Variants in PTP4A3 observed in about 807,000 individuals in gnomAD.
The protein encoded by PTP4A3 is protein tyrosine phosphatase 4A3.
PTP4A3 carries 9 observed loss-of-function variants against 15.2 expected under a neutral mutation model. That is an observed-to-expected ratio of 0.59 (90% CI 0.36 to 1.03). PTP4A3 has a LOEUF of 1.03. Ranked by LOEUF, PTP4A3 falls within the 50% of genes least tolerant of loss-of-function variation. PTP4A3 has a pLI of 0.02. For synonymous variants in PTP4A3, 95 were observed against 102.0 expected (o/e 0.93, Z 0.41); for missense variants, 234 against 252.1 (o/e 0.93, Z 0.49).
At chr8:141,394,981 G>GTA (rs1008898336) in intron 1 of PTP4A3, among the ~76,000 whole-genome samples, 6 of 152,250 alleles carry the variant, frequency 3.9e-5, no homozygotes, top group Non-Finnish European at 7.3e-5. Context: ...CAGCCTCCCT[G>GTA]GAGAGAGGGG....
Position 141,421,978 on chromosome 8 carries a change from G to C in PTP4A3, c.-263G>C, listed in dbSNP as rs573056934. On this transcript the variant is annotated 5_prime_UTR_variant, in exon 2 of 6. Coordinates refer to ENST00000521578, the MANE Select transcript of PTP4A3 (RefSeq NM_032611.3). The stretch of plus-strand genomic sequence containing the variant: ...CTTTGGTTGGGTTGGGGGGGGCGGC[G>C]GGCTGTTTTGTTCCTTTTCTTTTTT... 2.5e-5 allele frequency: 11 copies of C among 443,316 alleles called. No individual in the cohort carries two copies. Among genetic ancestry groups the C allele is most frequent in the South Asian group, 1.5e-4 (4 of 27,066 alleles). The allele number at this position is 443,316 out of a possible 1,614,324, so 27.5% of individuals were successfully genotyped here.
intron 1 of PTP4A3, among the ~76,000 whole-genome samples, chr8:141,418,473 T>C (rs953185084): frequency 1.3e-5 from 2 of 152,136 alleles, no homozygotes; most frequent in African/African-American, 2.4e-5. Context: ...TGGTGGAGAA[T>C]GTTCTCCCCT....
chr8:141,426,278 C>T (rs926719189), intron 3 of PTP4A3, among the ~76,000 whole-genome samples: 7 of 152,202 alleles, frequency 4.6e-5, no homozygotes, highest in Non-Finnish European at 8.8e-5. Context: ...GGCCCGGGCC[C>T]TCCCCTAGGA....
chr8:141,406,474 C>G lies in PTP4A3; in HGVS notation c.-854+14390C>G, dbSNP rs1044531788. 6.6e-6 allele frequency among the ~76,000 whole-genome samples: 1 copy of G among 152,042 alleles called. No individual in the cohort carries two copies. Among genetic ancestry groups the G allele is most frequent in the Non-Finnish European group, 1.5e-5 (1 of 68,006 alleles). ...CCGGAGAGCAGTTCCCTGGGGTGTC[C>G]CCCTGGGAAGTCCTGCCCTCCTGCC... is the stretch of plus-strand genomic sequence containing the variant. On this transcript the variant is annotated intron_variant, in intron 1 of 5. Transcript: ENST00000521578. The surrounding 1 kb of genome is among the most constrained non-coding windows in gnomAD (Gnocchi z 4.5).
chr8:141,413,870 T>TGG (rs1451056316), intron 1 of PTP4A3, among the ~76,000 whole-genome samples: 1 of 152,104 alleles, frequency 6.6e-6, no homozygotes, highest in African/African-American at 2.4e-5. Context: ...AAAGATGCGG[T>TGG]ATGGACAGGA....
At chr8:141,417,813 G>A (rs1358295454) in intron 1 of PTP4A3, among the ~76,000 whole-genome samples, 1 of 151,982 alleles carries the variant, frequency 6.6e-6, no homozygotes, top group Non-Finnish European at 1.5e-5. Context: ...TATTTAGGCG[G>A]CAGGTGTGGG....
At chr8:141,394,651 A>G (rs1832391564) in intron 1 of PTP4A3, among the ~76,000 whole-genome samples, 1 of 152,242 alleles carries the variant, frequency 6.6e-6, no homozygotes, top group Admixed American at 6.5e-5. Flanking sequence ...TCTTCCTGGC[A>G]GGACAGTGGT....
chr8:141,393,607 G>A (rs1236723356), intron 1 of PTP4A3, among the ~76,000 whole-genome samples: 1 of 152,250 alleles, frequency 6.6e-6, no homozygotes, highest in Non-Finnish European at 1.5e-5. Context: ...AAATGCAGGC[G>A]GGGATGAGAT....
intron 1 of PTP4A3, among the ~76,000 whole-genome samples, chr8:141,398,237 C>T (rs1252089538): frequency 6.6e-6 from 1 of 152,180 alleles, no homozygotes. Context: ...CATAACATCC[C>T]TTGGAGTCTC....
At chr8:141,430,022 G>A (rs1464139835) in intron 5 of PTP4A3, among the ~76,000 whole-genome samples, 3 of 61,888 alleles carry the variant, frequency 4.8e-5, no homozygotes, top group African/African-American at 2.9e-4. Context: ...CGCACAGTCT[G>A]GGTCCCCGCT....
At chr8:141,420,851 T>G (rs372509483) in intron 1 of PTP4A3, among the ~76,000 whole-genome samples, 1 of 151,802 alleles carries the variant, frequency 6.6e-6, no homozygotes, top group South Asian at 2.1e-4. Flanking sequence ...CACCTCCCTG[T>G]GCTGGCAGCA....
At chr8:141,417,891 G>T (rs1424330033) in intron 1 of PTP4A3, among the ~76,000 whole-genome samples, 6 of 152,058 alleles carry the variant, frequency 3.9e-5, no homozygotes, top group African/African-American at 1.2e-4. Flanking sequence ...ATAAATAGCC[G>T]CAGGCGGCGG....
At chr8:141,420,944 C>G (rs7388002) in intron 1 of PTP4A3, among the ~76,000 whole-genome samples, 83,833 of 152,152 alleles carry the variant, frequency 0.55, 25,461 homozygotes, top group Non-Finnish European at 0.69. Flanking sequence ...GGCTGAGAAT[C>G]GGAAGAGGAG....
At chr8:141,414,629 G>A (rs529897978) in intron 1 of PTP4A3, among the ~76,000 whole-genome samples, 2 of 151,764 alleles carry the variant, frequency 1.3e-5, no homozygotes, top group African/African-American at 4.9e-5. Context: ...ACTGGGGGGG[G>A]GGTAGGGACT....
intron 1 of PTP4A3, among the ~76,000 whole-genome samples, chr8:141,407,135 G>A (rs1832750441): frequency 6.6e-6 from 1 of 152,184 alleles, no homozygotes; most frequent in Non-Finnish European, 1.5e-5. Flanking sequence ...GCACAGCCCG[G>A]ACAGAACCTA....
rs1235076908 is a variant in PTP4A3, at chr8:141,424,652, G to GT, written c.106-396_106-395insT. On this transcript the variant is annotated intron_variant, in intron 2 of 5. Coordinates refer to ENST00000521578, the MANE Select transcript of PTP4A3 (RefSeq NM_032611.3). ...CCCAGAGGAGGGAGTGGTGTGCTGG[G>GT]CAGCTGGGGTCCCAGCTGCCAGTTA... Among the ~76,000 whole-genome samples, 16 of 152,190 alleles carry GT rather than the reference G, an allele frequency of 1.1e-4. No individual in the cohort carries two copies. In the East Asian group the frequency reaches 3.1e-3, roughly 29 times the overall value.
Position 141,427,048 on chromosome 8 carries a change from A to C in PTP4A3, c.308A>C (p.His103Pro), listed in dbSNP as rs1419704398. Residue 103 changes from histidine (H) to proline (P), a missense_variant, in exon 4 of 6, where the codon CAC becomes CCC. Physicochemically the swap from His to Pro is moderately conservative, Grantham distance 77. Coordinates refer to ENST00000521578, the MANE Select transcript of PTP4A3 (RefSeq NM_032611.3). ...GCCCCCGGCAGCTGCGTGGCTGTGCACTGCGTGGCGGGCCTGGGCCGGTGA... is the reference window on the plus strand; with the variant it reads ...GCCCCCGGCAGCTGCGTGGCTGTGCCCTGCGTGGCGGGCCTGGGCCGGTGA... Reference protein sequence around the residue: ...CEAPGSCVAVHCVAGLGRAPV... With the variant: ...CEAPGSCVAVPCVAGLGRAPV... 6.3e-7 allele frequency: 1 copy of C among 1,599,736 alleles called. No individual in the cohort carries two copies. Among genetic ancestry groups the C allele is most frequent in the East Asian group, 2.2e-5 (1 of 44,870 alleles).
At chr8:141,400,814 G>T (rs1217360148) in intron 1 of PTP4A3, among the ~76,000 whole-genome samples, 20 of 152,232 alleles carry the variant, frequency 1.3e-4, no homozygotes, top group Admixed American at 1.3e-3. Context: ...GCAGAGAGGG[G>T]CGGTCCTGAC....
intron 1 of PTP4A3, among the ~76,000 whole-genome samples, chr8:141,395,386 G>C (rs1189900823): frequency 1.3e-5 from 2 of 152,210 alleles, no homozygotes; most frequent in Non-Finnish European, 2.9e-5. Context: ...CTTCCCGCCA[G>C]GCACGTGCCA....
Sources: allele counts gnomAD v4.1 joint callset (sites outside exome capture counted in the v4.1 genomes callset), GRCh38; gene constraint gnomAD v4.1.1; non-coding constraint Gnocchi (gnomAD v3.1); transcripts MANE v1.5; gene names NCBI Gene and HGNC (gene_info 2026-07-23, HGNC 2026-07-21).